STARD13: variants seen among roughly 807,000 people sequenced by gnomAD.
STARD13 encodes stAR-related lipid transfer protein 13.
In STARD13, 62 loss-of-function variants were observed where a neutral mutation model predicts 106.4. The ratio of observed to expected loss-of-function variants is 0.58; its 90% CI spans 0.48 to 0.72. STARD13 has a LOEUF of 0.72. Among genes scored for constraint, STARD13 ranks in the 30% least tolerant of loss-of-function variants. The pLI is 0.00. For synonymous variants in STARD13, 565 were observed against 553.0 expected, an observed-to-expected ratio of 1.02 and a Z score of -0.31; for missense variants, 1,387 against 1,424.0, an observed-to-expected ratio of 0.97 and a Z score of 0.42.
chr13:33,561,130 A>G, the STARD13 span, among the ~76,000 whole-genome samples: 1 of 151,552 alleles, frequency 6.6e-6, no homozygotes, highest in Non-Finnish European at 1.5e-5. Context: ...AGCTTGTAAA[A>G]GTATTAATCC....
the STARD13 span, among the ~76,000 whole-genome samples, chr13:33,504,434 G>A: frequency 1.3e-5 from 2 of 152,196 alleles, no homozygotes; most frequent in African/African-American, 4.8e-5. Flanking sequence ...CATTAAAAAG[G>A]ATGAGTTCAT....
chr13:33,582,929 C>T, the STARD13 span, among the ~76,000 whole-genome samples: 1 of 152,140 alleles, frequency 6.6e-6, no homozygotes, highest in East Asian at 1.9e-4. Context: ...TGCCCAATTT[C>T]GGCTTCCACC....
At chr13:33,653,347 A>G in the STARD13 span, among the ~76,000 whole-genome samples, 14 of 152,336 alleles carry the variant, frequency 9.2e-5, no homozygotes, top group East Asian at 2.7e-3. Flanking sequence ...CTAATGGAAT[A>G]GGACTCAGAA....
chr13:33,470,376 A>G, the STARD13 span, among the ~76,000 whole-genome samples: 12 of 152,342 alleles, frequency 7.9e-5, no homozygotes, highest in Admixed American at 7.8e-4. Flanking sequence ...CAGTGCCACA[A>G]TAAACATAAG....
intron 1 of STARD13, among the ~76,000 whole-genome samples, chr13:33,263,838 A>G (rs536215077): frequency 6.6e-6 from 1 of 152,334 alleles, no homozygotes; most frequent in South Asian, 2.1e-4. Flanking sequence ...TGTCAAACAT[A>G]TATTTTTTTA....
the STARD13 span, among the ~76,000 whole-genome samples, chr13:33,444,344 G>T: frequency 1.3e-5 from 2 of 152,130 alleles, no homozygotes; most frequent in African/African-American, 4.8e-5. Flanking sequence ...TTATCTCATG[G>T]ATAATTCTCA....
the STARD13 span, among the ~76,000 whole-genome samples, chr13:33,570,569 G>A: frequency 7.1e-6 from 1 of 140,794 alleles, no homozygotes. Flanking sequence ...CTACTAGGTG[G>A]ATTGCTTTTT....
the STARD13 span, among the ~76,000 whole-genome samples, chr13:33,560,647 A>G: frequency 2.6e-5 from 4 of 151,584 alleles, no homozygotes; most frequent in African/African-American, 9.8e-5. Flanking sequence ...TTCAGAATAC[A>G]TAACTTAAAA....
the STARD13 span, among the ~76,000 whole-genome samples, chr13:33,367,210 T>C: frequency 6.6e-6 from 1 of 152,238 alleles, no homozygotes; most frequent in Non-Finnish European, 1.5e-5. Context: ...TCAAATGACT[T>C]AATTTTTGAC....
the STARD13 span, among the ~76,000 whole-genome samples, chr13:33,559,368 T>A: frequency 6.6e-6 from 1 of 151,600 alleles, no homozygotes; most frequent in East Asian, 1.9e-4. Flanking sequence ...TGGAATAAAG[T>A]TGGAGAATAA....
At chr13:33,112,576 A>T in intron 9 of STARD13, 145 bp downstream of exon 9, 1 of 663,568 alleles carries the variant, frequency 1.5e-6, no homozygotes, top group East Asian at 2.6e-5. Flanking sequence ...CCTATCGTTG[A>T]TCTATCTACC....
At chr13:33,519,272 C>CT in the STARD13 span, among the ~76,000 whole-genome samples, 1 of 123,254 alleles carries the variant, frequency 8.1e-6, no homozygotes, top group Non-Finnish European at 1.8e-5. Context: ...TTCTTTCTTT[C>CT]TTTTCTTTCT....
intron 12 of STARD13, among the ~76,000 whole-genome samples, chr13:33,107,621 C>G (rs748927259): frequency 1.3e-4 from 20 of 152,084 alleles, no homozygotes; most frequent in Non-Finnish European, 2.2e-4. Flanking sequence ...TGATTTGACT[C>G]CAGAAGGCAG....
At chr13:33,285,789 G>A (rs763905057), upstream of STARD13, 70 of 1,445,744 alleles carry the variant, frequency 4.8e-5, no homozygotes, top group Non-Finnish European at 6.1e-5. Flanking sequence ...CCACAACTCA[G>A]AATTCCAACC....
Position 33,125,812 on chromosome 13 carries a change from T to G in STARD13, c.2082+269A>C, listed in dbSNP as rs546599524. Among the ~76,000 whole-genome samples, 4 of 152,328 alleles carry G rather than the reference T, an allele frequency of 2.6e-5. No homozygotes were observed. In the East Asian group the frequency reaches 5.8e-4, roughly 22 times the overall value. On this transcript the variant is annotated intron_variant, in intron 7 of 13. Transcript: ENST00000336934. Reference sequence around the variant, plus strand: ...TAGCTTAACTCTAGTTTTTAGGGATTGCAAATTAGACATCCCAGGAACAAA... The same window carrying G: ...TAGCTTAACTCTAGTTTTTAGGGATGGCAAATTAGACATCCCAGGAACAAA...
intron 1 of STARD13, among the ~76,000 whole-genome samples, chr13:33,240,822 A>G (rs573050480): frequency 6.6e-6 from 1 of 151,720 alleles, no homozygotes; most frequent in East Asian, 1.9e-4. Flanking sequence ...TTTCCTTTTG[A>G]TAGTACTATA....
At chr13:33,655,632 T>C in the STARD13 span, among the ~76,000 whole-genome samples, 1 of 152,232 alleles carries the variant, frequency 6.6e-6, no homozygotes. Context: ...TGTTCCTTAG[T>C]ACTAGATGTA....
chr13:33,408,199 A>G, the STARD13 span, among the ~76,000 whole-genome samples: 73 of 152,120 alleles, frequency 4.8e-4, no homozygotes, highest in Non-Finnish European at 2.4e-4. Flanking sequence ...AATCATTTCA[A>G]GGGTACTGTT....
chr13:33,313,585 C>G (rs1379962463), intron 1 of STARD13, among the ~76,000 whole-genome samples: 2 of 152,150 alleles, frequency 1.3e-5, no homozygotes, highest in African/African-American at 4.8e-5. Flanking sequence ...TGTCCCAACT[C>G]CACCTTTCTC....
Sources: gnomAD v4.1 joint callset for allele counts (sites outside exome capture counted in the v4.1 genomes callset) on GRCh38, gnomAD v4.1.1 for gene constraint, MANE v1.5 for transcripts, NCBI Gene and HGNC (gene_info 2026-07-23, HGNC 2026-07-21) for gene names.